The following SORCS3 variants were observed in gnomAD, a reference collection of about 807,000 sequenced individuals.
SORCS3 encodes VPS10 domain-containing receptor SorCS3.
In SORCS3, 57 loss-of-function variants were observed where a neutral mutation model predicts 146.3. That is an observed-to-expected ratio of 0.39 (90% CI 0.31 to 0.49). SORCS3 has a LOEUF of 0.49. Ranked by LOEUF, SORCS3 falls within the 20% of genes least tolerant of loss-of-function variation. The pLI, the probability that SORCS3 is intolerant of heterozygous loss-of-function variation, is 0.92. For missense variants in SORCS3, 1,341 were observed against 1,575.5 expected (o/e 0.85, Z 2.52); for synonymous variants, 653 against 618.5 (o/e 1.06, Z -0.83).
chr10:104,992,699 A>G (rs1253175490), intron 4 of SORCS3, among the ~76,000 whole-genome samples: 2 of 152,182 alleles, frequency 1.3e-5, no homozygotes, highest in East Asian at 3.9e-4. Context: ...GTGCCCTGGC[A>G]CACATGCTTT....
At chr10:105,125,502 T>G (rs1198531206) in intron 7 of SORCS3, among the ~76,000 whole-genome samples, 1 of 152,168 alleles carries the variant, frequency 6.6e-6, no homozygotes, top group African/African-American at 2.4e-5. Context: ...ACCAGAGCCT[T>G]CTTTCTCTGT....
intron 11 of SORCS3, among the ~76,000 whole-genome samples, chr10:105,161,314 C>A (rs1041572662): frequency 1.3e-5 from 2 of 152,116 alleles, no homozygotes; most frequent in Non-Finnish European, 2.9e-5. Context: ...AGGTTATTTG[C>A]CATCAGGAAG....
intron 5 of SORCS3, among the ~76,000 whole-genome samples, chr10:105,066,255 C>G (rs1376766167): frequency 6.6e-6 from 1 of 152,168 alleles, no homozygotes; most frequent in Non-Finnish European, 1.5e-5. Flanking sequence ...TGAAATATTT[C>G]CCTGTGAACC....
intron 5 of SORCS3, among the ~76,000 whole-genome samples, chr10:105,074,084 G>A (rs986771185): frequency 1.3e-5 from 2 of 152,168 alleles, no homozygotes; most frequent in South Asian, 2.1e-4. Flanking sequence ...TACTTTATAG[G>A]TTACTTCTTC....
At position 105,074,838 on chromosome 10, in the gene SORCS3, G is replaced by A. The variant is rs546853927; in HGVS notation, c.1029-14937G>A. 7.2e-5 allele frequency among the ~76,000 whole-genome samples: 11 copies of A among 152,264 alleles called. 1 individual carries two copies. The South Asian group carries it at 2.3e-3, about 32-fold the overall frequency. ...ACCAATATCATGTACCAAAATGCAT[G>A]CCCCTAGCAGTCCCGAGGCAAAGAC... On this transcript the variant is annotated intron_variant, in intron 5 of 26. Coordinates refer to ENST00000369701, the MANE Select transcript of SORCS3 (RefSeq NM_014978.3).
chr10:104,967,696 A>G (rs1200723851), intron 3 of SORCS3, among the ~76,000 whole-genome samples: 2 of 151,992 alleles, frequency 1.3e-5, no homozygotes, highest in African/African-American at 4.8e-5. Context: ...GGTTGGGGGG[A>G]TGGGGTCTGG....
chr10:104,796,202 C>T (rs541055041), intron 1 of SORCS3, among the ~76,000 whole-genome samples: 16 of 152,300 alleles, frequency 1.1e-4, no homozygotes, highest in Admixed American at 2.6e-4. Context: ...TAGTTTGTTC[C>T]GGATTTGTGA....
At chr10:104,706,600 A>C (rs1242923237) in intron 1 of SORCS3, among the ~76,000 whole-genome samples, 1 of 152,186 alleles carries the variant, frequency 6.6e-6, no homozygotes, top group East Asian at 1.9e-4. Context: ...ACCTGGTTCC[A>C]CCGTAGCATA....
At chr10:104,904,315 C>T (rs1419926490) in intron 2 of SORCS3, among the ~76,000 whole-genome samples, 1 of 152,144 alleles carries the variant, frequency 6.6e-6, no homozygotes, top group Non-Finnish European at 1.5e-5. Flanking sequence ...GAAACTGGTA[C>T]TTTTATACAT....
intron 3 of SORCS3, among the ~76,000 whole-genome samples, chr10:104,942,692 G>A (rs543420771): frequency 6.6e-6 from 1 of 152,258 alleles, no homozygotes; most frequent in Non-Finnish European, 1.5e-5. Flanking sequence ...AAAATCATGT[G>A]ATAATCTTAA....
chr10:104,871,491 G>A (rs1398058541), intron 2 of SORCS3, among the ~76,000 whole-genome samples: 3 of 152,174 alleles, frequency 2.0e-5, no homozygotes, highest in African/African-American at 4.8e-5. Context: ...TGGGCGTTTG[G>A]CAATGCAGGT....
chr10:104,816,946 AAG>A (rs2017804453), intron 1 of SORCS3, among the ~76,000 whole-genome samples: 1 of 152,160 alleles, frequency 6.6e-6, no homozygotes, highest in African/African-American at 2.4e-5. Flanking sequence ...GAGGGAGGCC[AAG>A]CCTTCAGCCC....
intron 17 of SORCS3, among the ~76,000 whole-genome samples, chr10:105,212,733 G>C (rs548886234): frequency 6.6e-6 from 1 of 152,190 alleles, no homozygotes; most frequent in Non-Finnish European, 1.5e-5. Context: ...ACCAGCTTGA[G>C]TTAATGGCCA....
chr10:105,083,032 C>A (rs1342368445), intron 5 of SORCS3, among the ~76,000 whole-genome samples: 1 of 152,132 alleles, frequency 6.6e-6, no homozygotes, highest in Non-Finnish European at 1.5e-5. Context: ...AGCCACCACG[C>A]CCGGCCTATG....
chr10:105,050,636 C>T (rs1441422541), intron 5 of SORCS3, among the ~76,000 whole-genome samples: 1 of 152,148 alleles, frequency 6.6e-6, no homozygotes, highest in Non-Finnish European at 1.5e-5. Flanking sequence ...CAGGCAGAGG[C>T]ACCTAGCTGA....
At chr10:104,891,264 A>G (rs1035547315) in intron 2 of SORCS3, among the ~76,000 whole-genome samples, 1 of 152,082 alleles carries the variant, frequency 6.6e-6, no homozygotes, top group Non-Finnish European at 1.5e-5. Flanking sequence ...GTTCCTTCTA[A>G]TTCTTTCAGG....
chr10:105,159,861 A>C (rs1416603288), intron 11 of SORCS3, among the ~76,000 whole-genome samples: 4 of 152,190 alleles, frequency 2.6e-5, no homozygotes, highest in African/African-American at 9.6e-5. Context: ...ACCACCAGTG[A>C]TGAACCACTC....
intron 9 of SORCS3, among the ~76,000 whole-genome samples, chr10:105,150,811 C>T (rs987401660): frequency 6.6e-6 from 1 of 152,090 alleles, no homozygotes; most frequent in Non-Finnish European, 1.5e-5. Flanking sequence ...AGATAAAGCT[C>T]AATTTAATTG....
At chr10:104,696,166 A>T (rs1386397065) in intron 1 of SORCS3, among the ~76,000 whole-genome samples, 6 of 118,584 alleles carry the variant, frequency 5.1e-5, no homozygotes, top group Non-Finnish European at 1.0e-4. Context: ...ATACACATAT[A>T]ATATATAATA....
Sources: gnomAD v4.1 joint callset for allele counts (sites outside exome capture counted in the v4.1 genomes callset) on GRCh38, gnomAD v4.1.1 for gene constraint, MANE v1.5 for transcripts, NCBI Gene and HGNC (gene_info 2026-07-23, HGNC 2026-07-21) for gene names.